Variants in ZNF133 observed in about 807,000 individuals in gnomAD.
ZNF133 encodes zinc finger protein 133 (clone pHZ-13).
A neutral mutation model predicts 54.9 loss-of-function variants in ZNF133; 26 were observed. That is an observed-to-expected ratio of 0.47 (90% confidence interval 0.35 to 0.66). The LOEUF is 0.66. ZNF133 is among the 30% of genes least tolerant of loss of function. The pLI, the probability that ZNF133 is intolerant of heterozygous loss-of-function variation, is 0.01. For synonymous variants in ZNF133, 298 were observed against 320.3 expected, an observed-to-expected ratio of 0.93 and a Z score of 0.74; for missense variants, 653 against 820.8, an observed-to-expected ratio of 0.80 and a Z score of 2.50.
At chr20:18,293,558 A>C (rs1236071483) in intron 1 of ZNF133, among the ~76,000 whole-genome samples, 1 of 152,260 alleles carries the variant, frequency 6.6e-6, no homozygotes, top group East Asian at 1.9e-4. Flanking sequence ...GAACAAGGCC[A>C]AAATGGAAGA....
intron 6 of ZNF133, among the ~76,000 whole-genome samples, chr20:18,307,518 T>C (rs546898027): frequency 2.2e-4 from 33 of 152,344 alleles, no homozygotes; most frequent in Non-Finnish European, 2.5e-4. Flanking sequence ...GCTACTTTTC[T>C]CCATACTTTT....
In ZNF133 at chr20:18,305,007, G is replaced by A. The variant is rs2147413632; in HGVS notation, c.-177-1G>A. On this transcript the variant is annotated splice_acceptor_variant, in intron 3 of 6. Transcript: ENST00000425686. LOFTEE classifies it low-confidence loss of function (5UTR_SPLICE). This position sits in a 1 kb window ranked among gnomAD's most constrained non-coding sequence, Gnocchi z 4.7. ...AAACCCCTTTCTAATCTCTATTCCA[G>A]TGTGTCCTCCATTTGGAAGTAGTGC... is the stretch of plus-strand genomic sequence containing the variant. 1.0e-6 allele frequency: 1 copy of A among 985,356 alleles called. No individual in the cohort carries two copies. The highest frequency in any genetic ancestry group is 4.7e-5 in the South Asian group (1 of 21,266). The allele number at this position is 985,356 out of a possible 1,614,324, so 61.0% of individuals were successfully genotyped here.
At position 18,297,981 on chromosome 20, in the gene ZNF133, C is replaced by A. The variant is rs566916749; in HGVS notation, c.-431-4C>A. ...ACCCTCCCATTTCTGTTTTCCTTAC[C>A]CAGATCTACCTTCTGAGATATCATC... On this transcript the variant is annotated splice_region_variant and splice_polypyrimidine_tract_variant and intron_variant, in intron 1 of 6. Transcript: ENST00000425686. The A allele has an allele frequency of 2.6e-6, 4 of 1,526,750 alleles. No homozygotes were observed. In the South Asian group the frequency reaches 4.8e-5, roughly 18 times the overall value. 94.6% of individuals were successfully genotyped at this position (1,526,750 alleles called of 1,614,324 possible).
rs753760326 is a variant in ZNF133, at chr20:18,315,022, G to A, written c.218-47G>A. 4 of 1,503,368 alleles carry A rather than the reference G, an allele frequency of 2.7e-6. No individual in the cohort carries two copies. The Middle Eastern group carries it at 6.5e-4, about 245-fold the overall frequency. The allele number at this position is 1,503,368 out of a possible 1,614,324, so 93.1% of individuals were successfully genotyped here. A position where few individuals can be genotyped will look rare whatever the true frequency, so the allele number is the denominator to read the frequency against. The stretch of plus-strand genomic sequence containing the variant: ...GGATCTGACTAAGCTGATTGCTCAG[G>A]CTGCCCACTGAGGACTCAGTTGTGA... On this transcript the variant is annotated intron_variant, in intron 6 of 6. Coordinates refer to ENST00000425686, the MANE Select transcript of ZNF133 (RefSeq NM_001352452.2).
At chr20:18,289,639 T>A (rs2040465306) in intron 1 of ZNF133, among the ~76,000 whole-genome samples, 1 of 152,256 alleles carries the variant, frequency 6.6e-6, no homozygotes, top group South Asian at 2.1e-4. Flanking sequence ...CTCGATTTTA[T>A]CCTAAAGAGG....
At chr20:18,313,343 A>C (rs2046543153) in intron 6 of ZNF133, 1 of 152,250 alleles carries the variant, frequency 6.6e-6, no homozygotes. Context: ...AAATACATTT[A>C]GTGTAAATAA....
chr20:18,305,560 C>T lies in ZNF133; in HGVS notation c.-6-121C>T. On this transcript the variant is annotated intron_variant, in intron 4 of 6. Transcript: ENST00000425686. The surrounding 1 kb of genome is among the most constrained non-coding windows in gnomAD (Gnocchi z 4.7). ...TTTAAAAGTCTTGGAACACATGGCA[C>T]CAGGGTCACTGGGATCTTGATATCT... 7.0e-7 allele frequency: 1 copy of T among 1,423,978 alleles called. No homozygotes were observed. The highest frequency in any genetic ancestry group is 1.2e-5 in the South Asian group (1 of 81,386). The allele number at this position is 1,423,978 out of a possible 1,614,324, so 88.2% of individuals were successfully genotyped here.
At chr20:18,289,534 G>C (rs1262165637) in intron 1 of ZNF133, among the ~76,000 whole-genome samples, 1 of 152,158 alleles carries the variant, frequency 6.6e-6, no homozygotes, top group East Asian at 1.9e-4. Context: ...TACTGTGTAA[G>C]AGCACGGTCT....
chr20:18,291,620 A>G (rs760456892), intron 1 of ZNF133, among the ~76,000 whole-genome samples: 12 of 151,892 alleles, frequency 7.9e-5, no homozygotes, highest in Non-Finnish European at 1.2e-4. Context: ...CAAGGCTTTA[A>G]ATGCCATCTG....
At chr20:18,300,246 G>A (rs2147200514) in intron 3 of ZNF133, among the ~76,000 whole-genome samples, 2 of 152,282 alleles carry the variant, frequency 1.3e-5, no homozygotes, top group South Asian at 4.1e-4. Context: ...TTGAAGTTAA[G>A]CTGATGAGTT....
chr20:18,311,484 C>G (rs2045933247), intron 6 of ZNF133, among the ~76,000 whole-genome samples: 1 of 152,028 alleles, frequency 6.6e-6, no homozygotes. Context: ...GTATTATTGT[C>G]AAGTTTAAGC....
At chr20:18,302,384 CAA>C (rs2043555411) in intron 3 of ZNF133, among the ~76,000 whole-genome samples, 1 of 110,422 alleles carries the variant, frequency 9.1e-6, no homozygotes, top group Non-Finnish European at 1.8e-5. Flanking sequence ...GCCTGGGTGA[CAA>C]GAGCAAAAAC....
chr20:18,308,027 C>T (rs1157139929), intron 6 of ZNF133, among the ~76,000 whole-genome samples: 3 of 152,008 alleles, frequency 2.0e-5, no homozygotes, highest in Non-Finnish European at 1.5e-5. Context: ...GAGTATATAT[C>T]CATATGTTTA....
In ZNF133 at chr20:18,316,249, T is replaced by C. The variant is rs1600622414; in HGVS notation, c.1398T>C (p.Ile466=). ...HQNIHSGEKP[I]VCKDCGRGFS... is the part of the protein sequence containing the mutation. ...ACATACACTCAGGAGAGAAGCCCAT[T>C]GTGTGCAAGGACTGTGGCCGGGGCT... The change falls in exon 7 of 7, where the codon ATT becomes ATC. Residue 466 remains isoleucine, a synonymous_variant. Transcript: ENST00000425686. 6.2e-7 allele frequency: 1 copy of C among 1,602,486 alleles called. No individual in the cohort carries two copies. Among genetic ancestry groups the C allele is most frequent in the Non-Finnish European group, 8.5e-7 (1 of 1,175,648 alleles).
In ZNF133 at chr20:18,315,719, C is replaced by T. The variant is rs549342266; in HGVS notation, c.868C>T (p.Arg290Trp). The change falls in exon 7 of 7, where the codon CGG becomes TGG. Residue 290 changes from arginine (R) to tryptophan (W), a missense_variant. By Grantham distance (101) the Arg-to-Trp change is moderately radical. Transcript: ENST00000425686. ...NRKSTLIIHERTHSGEKPYMC... is the reference protein window; with the variant it reads ...NRKSTLIIHEWTHSGEKPYMC... Reference sequence around the variant, plus strand: ...GAAGTCAACGCTAATCATACACGAACGGACACACTCCGGTGAGAAACCTTA... The same window carrying T: ...GAAGTCAACGCTAATCATACACGAATGGACACACTCCGGTGAGAAACCTTA... 6 of 1,613,670 alleles carry T rather than the reference C, an allele frequency of 3.7e-6. No homozygotes were observed. Among genetic ancestry groups the T allele is most frequent in the East Asian group, 2.2e-5 (1 of 44,870 alleles).
intron 6 of ZNF133, among the ~76,000 whole-genome samples, chr20:18,308,549 T>C (rs899227617): frequency 1.3e-5 from 2 of 152,264 alleles, no homozygotes; most frequent in Non-Finnish European, 1.5e-5. Context: ...TTTTTAATGC[T>C]GAAATTCTCT....
At chr20:18,314,974 G>C (rs1200461404) in intron 6 of ZNF133, 95 bp from the exon 7 acceptor site, 44 of 1,282,432 alleles carry the variant, frequency 3.4e-5, no homozygotes, top group Non-Finnish European at 4.7e-5. Flanking sequence ...GGCACTTAAG[G>C]CCTAAGTGTT....
At chr20:18,310,863 AAT>A (rs1428827917) in intron 6 of ZNF133, among the ~76,000 whole-genome samples, 1 of 152,232 alleles carries the variant, frequency 6.6e-6, no homozygotes, top group East Asian at 1.9e-4. Flanking sequence ...GTACACAATG[AAT>A]ATATACATTT....
Position 18,298,368 on chromosome 20 carries a change from A to C in ZNF133, c.-274A>C, listed in dbSNP as rs2042658398. 3 of 1,236,292 alleles carry C rather than the reference A, an allele frequency of 2.4e-6. No individual in the cohort carries two copies. The highest frequency in any genetic ancestry group is 3.1e-6 in the Non-Finnish European group (3 of 982,216). The allele number at this position is 1,236,292 out of a possible 1,614,324, so 76.6% of individuals were successfully genotyped here. ...CTGGAATCTGTGTCCCCACCTAGAC[A>C]ACGATTATACTGGCAGGATCTATCA... On this transcript the variant is annotated 5_prime_UTR_variant, in exon 3 of 7. Coordinates refer to ENST00000425686, the MANE Select transcript of ZNF133 (RefSeq NM_001352452.2).
Sources: gnomAD v4.1 joint callset for allele counts (sites outside exome capture counted in the v4.1 genomes callset) on GRCh38, gnomAD v4.1.1 for gene constraint, Gnocchi (gnomAD v3.1) non-coding constraint, MANE v1.5 for transcripts, NCBI Gene and HGNC (gene_info 2026-07-23, HGNC 2026-07-21) for gene names.